DNAH3: variants seen among roughly 807,000 people sequenced by gnomAD.
DNAH3 encodes dynein axonemal heavy chain 3, also known as axonemal beta dynein heavy chain 3.
DNAH3 carries 332 observed loss-of-function variants against 432.5 expected under a neutral mutation model. The ratio of observed to expected loss-of-function variants is 0.77; its 90% CI spans 0.70 to 0.84. The LOEUF (loss-of-function observed/expected upper bound fraction) is 0.84. Among genes scored for constraint, DNAH3 ranks in the 40% least tolerant of loss-of-function variants. DNAH3 has a pLI of 0.00. For missense variants in DNAH3, 4,861 were observed against 5,114.0 expected (o/e 0.95, Z 1.51); for synonymous variants, 1,956 against 1,900.2 (o/e 1.03, Z -0.76).
chr16:21,054,415 C>A lies in DNAH3; in HGVS notation c.4039+5G>T, dbSNP rs1196741180. On this transcript the variant is annotated splice_donor_5th_base_variant and intron_variant, in intron 28 of 61. Coordinates refer to ENST00000261383, the Ensembl canonical transcript of DNAH3. ...AGTAATGACAGGGGAAGCCCCCTGG[C>A]TTACCGTGGACATCGATGACCGTGA... 1.2e-6 allele frequency: 2 copies of A among 1,611,262 alleles called. No homozygotes were observed. Among genetic ancestry groups the A allele is most frequent in the Non-Finnish European group, 1.7e-6 (2 of 1,177,596 alleles).
At chr16:21,052,385 C>G (rs2089990770) in intron 28 of DNAH3, among the ~76,000 whole-genome samples, 1 of 152,228 alleles carries the variant, frequency 6.6e-6, no homozygotes, top group African/African-American at 2.4e-5. Flanking sequence ...CTCCCAAAGC[C>G]AGGCAGAGAA....
At chr16:20,947,426 A>C (rs994518750) in intron 57 of DNAH3, among the ~76,000 whole-genome samples, 2 of 152,182 alleles carry the variant, frequency 1.3e-5, no homozygotes, top group Admixed American at 6.5e-5. Flanking sequence ...TAATTGAATT[A>C]ATTTCAATTA....
intron 1 of DNAH3, among the ~76,000 whole-genome samples, chr16:21,152,437 AG>A (rs1225113660): frequency 6.6e-6 from 1 of 152,250 alleles, no homozygotes; most frequent in Non-Finnish European, 1.5e-5. Context: ...GCGTGCTGGC[AG>A]TCCTCACAGC....
intron 26 of DNAH3, 80 bp downstream of exon 26, chr16:21,060,184 C>A (rs2090294306): frequency 8.4e-7 from 1 of 1,193,110 alleles, no homozygotes; most frequent in Non-Finnish European, 1.2e-6. Context: ...TCCAGCCAAA[C>A]TACTGACACA....
intron 7 of DNAH3, among the ~76,000 whole-genome samples, chr16:21,133,348 G>T (rs1319425057): frequency 7.2e-5 from 9 of 124,560 alleles, no homozygotes; most frequent in Non-Finnish European, 3.3e-5. Flanking sequence ...GGGTGACAGG[G>T]TGAGATTCGT....
chr16:21,142,465 TAAAA>T (rs2092732487), intron 3 of DNAH3, among the ~76,000 whole-genome samples: 1 of 151,932 alleles, frequency 6.6e-6, no homozygotes, highest in South Asian at 2.1e-4. Flanking sequence ...TTATCACAAA[TAAAA>T]AATAAGTACA....
At chr16:20,997,527 A>G in intron 43 of DNAH3, 65 bp from the exon 44 acceptor site, 2 of 1,550,548 alleles carry the variant, frequency 1.3e-6, no homozygotes, top group African/African-American at 1.4e-5. Context: ...TTACAGAGGT[A>G]ACAGATGGCA....
intron 44 of DNAH3, among the ~76,000 whole-genome samples, chr16:20,992,541 T>A (rs573057495): frequency 6.6e-6 from 1 of 152,006 alleles, no homozygotes; most frequent in Non-Finnish European, 1.5e-5. Flanking sequence ...AGAGACGGGG[T>A]TTCACCGTGT....
intron 1 of DNAH3, among the ~76,000 whole-genome samples, chr16:21,154,136 G>C (rs921653040): frequency 6.6e-6 from 1 of 152,262 alleles, no homozygotes; most frequent in Admixed American, 6.5e-5. Context: ...AGGCGCGGTG[G>C]CCCATGCCTA....
exon 10 of DNAH3, chr16:21,121,988 T>A (rs1183921921): frequency 1.2e-6 from 2 of 1,613,250 alleles, no homozygotes; most frequent in Non-Finnish European, 1.7e-6. Flanking sequence ...CAGGAAAGAG[T>A]CACGTATTAA....
At position 21,150,054 on chromosome 16, in the gene DNAH3, T is replaced by C. The variant is rs372916045; in HGVS notation, c.118-3966A>G. On this transcript the variant is annotated intron_variant, in intron 1 of 61. Coordinates refer to ENST00000261383, the Ensembl canonical transcript of DNAH3. ...CAGCCTGACCAACATGGATAAACCC[T>C]GTCTCCACTAAAAATACAAAATTAG... Among the ~76,000 whole-genome samples, 20 of 151,880 alleles carry C rather than the reference T, an allele frequency of 1.3e-4. 1 individual carries two copies. In the South Asian group the frequency reaches 4.0e-3, roughly 30 times the overall value.
At chr16:20,948,551 T>G in exon 57 of DNAH3, 1 of 1,614,094 alleles carries the variant, frequency 6.2e-7, no homozygotes, top group South Asian at 1.1e-5. Flanking sequence ...TCCTCCTCAA[T>G]TTCCTTACAG....
exon 39 of DNAH3, chr16:21,024,644 G>C (rs1164535861): frequency 3.7e-6 from 6 of 1,613,514 alleles, no homozygotes; most frequent in Non-Finnish European, 5.1e-6. Context: ...TGTCCATGTA[G>C]GAATCCTTCA....
At chr16:20,985,652 C>T in exon 48 of DNAH3, 2 of 1,614,162 alleles carry the variant, frequency 1.2e-6, no homozygotes, top group South Asian at 2.2e-5. Flanking sequence ...AAATAATCTC[C>T]AAAGAAGAGG....
intron 3 of DNAH3, among the ~76,000 whole-genome samples, chr16:21,144,332 CTT>C (rs1212008251): frequency 1.3e-5 from 2 of 152,184 alleles, no homozygotes; most frequent in Non-Finnish European, 2.9e-5. Flanking sequence ...GGCTCTCTCT[CTT>C]TCTCTCCCCC....
chr16:21,140,843 A>T (rs765152191), intron 4 of DNAH3, 133 bp from the exon 6 acceptor site: 89 of 712,862 alleles, frequency 1.2e-4, no homozygotes, highest in Non-Finnish European at 1.9e-4. Context: ...ATCTAATGGC[A>T]TGTGTGTATA....
intron 61 of DNAH3, among the ~76,000 whole-genome samples, chr16:20,934,942 C>T (rs974318236): frequency 6.6e-6 from 1 of 152,146 alleles, no homozygotes; most frequent in African/African-American, 2.4e-5. Flanking sequence ...AACAGTCAAT[C>T]GTAGCCATTC....
At position 21,069,446 on chromosome 16, in the gene DNAH3, T is replaced by C. The variant is rs749624637; in HGVS notation, c.3350A>G (p.Asp1117Gly). Residue 1117 changes from aspartate to glycine, a missense_variant, in exon 23 of 62, where the codon GAT (aspartate) becomes GGT (glycine). Transcript: ENST00000261383. Reference sequence around the variant, plus strand: ...GGACATAAGTGATTTCCAGTAACTATCAACAATGCCAAATTTCCTCCCCTC... The same window carrying C: ...GGACATAAGTGATTTCCAGTAACTACCAACAATGCCAAATTTCCTCCCCTC... 59 of 1,614,002 alleles carry C rather than the reference T, an allele frequency of 3.7e-5. No homozygotes were observed. Among genetic ancestry groups the C allele is most frequent in the Middle Eastern group, 1.6e-4 (1 of 6,084 alleles).
chr16:21,141,333 T>G, exon 4 of DNAH3: 1 of 1,592,218 alleles, frequency 6.3e-7, no homozygotes, highest in East Asian at 2.3e-5. Flanking sequence ...GGAGGAAAAC[T>G]TCGTTTTTTT....
Sources: gnomAD v4.1 joint callset for allele counts (sites outside exome capture counted in the v4.1 genomes callset) on GRCh38, gnomAD v4.1.1 for gene constraint, MANE v1.5 for transcripts, NCBI Gene and HGNC (gene_info 2026-07-23, HGNC 2026-07-21) for gene names.